The following RNF216 variants were observed in gnomAD, a reference collection of about 807,000 sequenced individuals.
RNF216 encodes the protein ring finger protein 216.
In RNF216, 72 loss-of-function variants were observed where a neutral mutation model predicts 110.8. The observed-to-expected ratio is 0.65, with a 90% confidence interval of 0.54 to 0.79. The LOEUF is 0.79. RNF216 is among the 30% of genes least tolerant of loss of function. The pLI is 0.00. For synonymous variants in RNF216, 495 were observed against 407.5 expected (o/e 1.21, Z -2.59); for missense variants, 1,342 against 1,141.2 (o/e 1.18, Z -2.54).
intron 10 of RNF216, among the ~76,000 whole-genome samples, chr7:5,715,506 G>A (rs1166517668): frequency 6.6e-6 from 1 of 152,000 alleles, no homozygotes; most frequent in Non-Finnish European, 1.5e-5. Flanking sequence ...GTACTCAGAT[G>A]CTAATGTGAT....
chr7:5,701,995 T>C (rs949694461), intron 13 of RNF216, among the ~76,000 whole-genome samples: 4 of 152,092 alleles, frequency 2.6e-5, no homozygotes, highest in East Asian at 1.9e-4. Context: ...CACCAGGATG[T>C]TGTCTGGGAC....
Position 5,744,441 on chromosome 7 carries a change from G to A in RNF216, c.202-2626C>T, listed in dbSNP as rs1256493895. ...GAGAAGAAGCTGTTTCTTTGGTAGAGGAGGAGGAAGGAAAACAAGGGAGGG... is the reference window on the plus strand; with the variant it reads ...GAGAAGAAGCTGTTTCTTTGGTAGAAGAGGAGGAAGGAAAACAAGGGAGGG... On this transcript the variant is annotated intron_variant, in intron 3 of 16. Transcript: ENST00000389902. Among the ~76,000 whole-genome samples the A allele has an allele frequency of 5.3e-5, 8 of 152,170 alleles. No homozygotes were observed. The East Asian group carries it at 1.5e-3, about 29-fold the overall frequency.
intron 13 of RNF216, among the ~76,000 whole-genome samples, chr7:5,687,355 C>T (rs905827279): frequency 1.5e-5 from 2 of 132,068 alleles, no homozygotes; most frequent in East Asian, 4.6e-4. Context: ...GAGACTGCGT[C>T]ACTGCTCCAT....
rs749491604 is a variant in RNF216 at position 5,716,751 on chromosome 7, G to C, written c.1660C>G (p.Leu554Val). 18 of 1,605,976 alleles carry C rather than the reference G, an allele frequency of 1.1e-5. No homozygotes were observed. Among genetic ancestry groups the C allele is most frequent in the Admixed American group, 1.7e-5 (1 of 59,302 alleles). ...KEMAEHEDFL[L>V]ALQMNEEQYQ... ...TGTTCTTCATTCATCTGTAGGGCAA[G>C]CAAAAAGTCTTCATGCTGAAGAACA... is the stretch of plus-strand genomic sequence containing the variant. The change falls in exon 10 of 17, where the codon CTT becomes GTT. Residue 554 changes from leucine to valine, a missense_variant. Physicochemically the swap from Leu to Val is conservative, Grantham distance 32 (BLOSUM62 1). Transcript: ENST00000389902.
chr7:5,689,525 C>T (rs1791197355), intron 13 of RNF216, among the ~76,000 whole-genome samples: 1 of 151,910 alleles, frequency 6.6e-6, no homozygotes, highest in Non-Finnish European at 1.5e-5. Flanking sequence ...AACAAAAAAC[C>T]CTAGGCTTGT....
At position 5,729,634 on chromosome 7, in the gene RNF216, A is replaced by C. The variant is rs774884816; in HGVS notation, c.1225-38T>G. Reference sequence around the variant, plus strand: ...AGAAGCATAAAATCAGAGGCCAGGCAGTACATTTCCCATACAGGGGAAATC... The same window carrying C: ...AGAAGCATAAAATCAGAGGCCAGGCCGTACATTTCCCATACAGGGGAAATC... On this transcript the variant is annotated intron_variant, in intron 6 of 16. Transcript: ENST00000389902. 3.9e-6 allele frequency: 6 copies of C among 1,551,524 alleles called. No homozygotes were observed. The Admixed American group carries it at 1.0e-4, about 26-fold the overall frequency.
intron 7 of RNF216, among the ~76,000 whole-genome samples, chr7:5,728,455 T>A (rs959677654): frequency 4.0e-5 from 6 of 151,826 alleles, no homozygotes; most frequent in African/African-American, 1.5e-4. Flanking sequence ...GCACCTACAG[T>A]CCCAGCTACT....
At chr7:5,625,838 G>GC (rs1786672643) in intron 15 of RNF216, among the ~76,000 whole-genome samples, 1 of 152,008 alleles carries the variant, frequency 6.6e-6, no homozygotes, top group African/African-American at 2.4e-5. Context: ...GGTTCTATCT[G>GC]CAACAGTGGA....
In RNF216 at chr7:5,623,103, C is replaced by G. The variant is rs750173731; in HGVS notation, c.2529G>C (p.Arg843Ser). The change falls in exon 17 of 17, where the codon AGG becomes AGC. Residue 843 changes from arginine (R) to serine (S), a missense_variant. Arg to Ser is a moderately radical substitution (Grantham distance 110). Transcript: ENST00000389902. ...EKVQRVEALP[R>S]PVPQNLPQPQ... ...GCTGTGGCAGGTTCTGCGGAACGGG[C>G]CTCGGGAGGGCCTCCACCCTCTGCA... is the stretch of plus-strand genomic sequence containing the variant. The G allele has an allele frequency of 1.2e-6, 2 of 1,608,782 alleles. No individual in the cohort carries two copies. Among genetic ancestry groups the G allele is most frequent in the Non-Finnish European group, 1.7e-6 (2 of 1,175,994 alleles).
intron 1 of RNF216, among the ~76,000 whole-genome samples, chr7:5,763,964 G>A (rs375765416): frequency 3.9e-5 from 6 of 152,122 alleles, no homozygotes; most frequent in African/African-American, 9.6e-5. Flanking sequence ...CGAGGCAGGC[G>A]GATCACTCGA....
intron 13 of RNF216, among the ~76,000 whole-genome samples, chr7:5,707,031 T>C (rs558309612): frequency 6.6e-6 from 1 of 152,240 alleles, no homozygotes; most frequent in African/African-American, 2.4e-5. Context: ...AATCAGAGAC[T>C]ACCTTTTCCC....
chr7:5,695,813 GTTTA>G (rs1227588667), intron 13 of RNF216, among the ~76,000 whole-genome samples: 4 of 152,194 alleles, frequency 2.6e-5, no homozygotes, highest in Admixed American at 2.0e-4. Flanking sequence ...AAACGGATGT[GTTTA>G]TTTATGAACA....
chr7:5,660,968 T>TTTTG (rs1789097291), intron 13 of RNF216, among the ~76,000 whole-genome samples: 1 of 127,686 alleles, frequency 7.8e-6, no homozygotes, highest in African/African-American at 3.3e-5. Flanking sequence ...TTTTTTTTTT[T>TTTTG]GAAACAGCAT....
At chr7:5,754,161 T>A (rs79033023) in intron 2 of RNF216, among the ~76,000 whole-genome samples, 1 of 135,712 alleles carries the variant, frequency 7.4e-6, no homozygotes, top group Non-Finnish European at 1.6e-5. Context: ...TGTGTGTGTG[T>A]GCGCATTTGT....
chr7:5,778,287 A>C (rs1261539274), intron 1 of RNF216, among the ~76,000 whole-genome samples: 1 of 152,180 alleles, frequency 6.6e-6, no homozygotes, highest in Non-Finnish European at 1.5e-5. Context: ...TTCCCCAGCT[A>C]AACTACTCTT....
chr7:5,631,943 G>A (rs1017546673), intron 15 of RNF216, among the ~76,000 whole-genome samples: 3 of 152,176 alleles, frequency 2.0e-5, no homozygotes, highest in Admixed American at 6.5e-5. Flanking sequence ...TCCACGCCAC[G>A]GGAGGCTGGC....
intron 13 of RNF216, among the ~76,000 whole-genome samples, chr7:5,668,625 G>A (rs956337747): frequency 6.6e-6 from 1 of 152,126 alleles, no homozygotes; most frequent in Non-Finnish European, 1.5e-5. Context: ...AGGGTCAAAG[G>A]AGGGAGGAAA....
At position 5,729,586 on chromosome 7, in the gene RNF216, A is replaced by G. The variant is rs1333005979; in HGVS notation, c.1235T>C (p.Ile412Thr). The change falls in exon 7 of 17, where the codon ATA (isoleucine) becomes ACA (threonine). Residue 412 changes from isoleucine to threonine, a missense_variant. Physicochemically the swap from Ile to Thr is moderately conservative, Grantham distance 89. Coordinates refer to ENST00000389902, the MANE Select transcript of RNF216 (RefSeq NM_207111.4). ...ASQDETKLPKIDFFDYSKLTP... is the reference protein window; with the variant it reads ...ASQDETKLPKTDFFDYSKLTP... ...CAATTTAGAATAGTCAAAAAAGTCT[A>G]TTTTAGGCAACTGAAATGAGAGAGA... 1.5e-5 allele frequency: 25 copies of G among 1,613,996 alleles called. No individual in the cohort carries two copies. Among genetic ancestry groups the G allele is most frequent in the Middle Eastern group, 1.7e-4 (1 of 6,060 alleles).
At position 5,660,017 on chromosome 7, in the gene RNF216, C is replaced by T. The variant is rs542623920; in HGVS notation, c.2062-7507G>A. 2.0e-5 allele frequency among the ~76,000 whole-genome samples: 3 copies of T among 149,826 alleles called. No homozygotes were observed. In the East Asian group the frequency reaches 5.9e-4, roughly 29 times the overall value. Reference sequence around the variant, plus strand: ...TTGCCCAGGCTGGAGTGCAGTGGTGCCATTATAGCTCACTATAACCTTGAC... The same window carrying T: ...TTGCCCAGGCTGGAGTGCAGTGGTGTCATTATAGCTCACTATAACCTTGAC... On this transcript the variant is annotated intron_variant, in intron 13 of 16. Transcript: ENST00000389902.
Sources: gnomAD v4.1 joint callset for allele counts (sites outside exome capture counted in the v4.1 genomes callset) on GRCh38, gnomAD v4.1.1 for gene constraint, MANE v1.5 for transcripts, NCBI Gene and HGNC (gene_info 2026-07-23, HGNC 2026-07-21) for gene names.